LRRC4C: variants seen among roughly 807,000 people sequenced by gnomAD.
LRRC4C encodes leucine rich repeat containing 4C, also known as leucine-rich repeat-containing protein 4C.
In LRRC4C, 5 loss-of-function variants were observed where a neutral mutation model predicts 33.6. The observed-to-expected ratio is 0.15, with a 90% CI of 0.08 to 0.31. The LOEUF (loss-of-function observed/expected upper bound fraction) is 0.31. Ranked by LOEUF, LRRC4C falls within the 10% of genes least tolerant of loss-of-function variation. LRRC4C has a pLI of 1.00. For missense variants in LRRC4C, 560 were observed against 796.7 expected (o/e 0.70, Z 3.58); for synonymous variants, 329 against 302.0 (o/e 1.09, Z -0.93).
intron 4 of LRRC4C, among the ~76,000 whole-genome samples, chr11:40,274,488 G>T (rs1942955202): frequency 6.8e-6 from 1 of 146,106 alleles, no homozygotes; most frequent in African/African-American, 2.5e-5. Context: ...TATGAAGAAG[G>T]ACTTGGCTAG....
chr11:40,473,977 T>C (rs1398875203), intron 3 of LRRC4C, among the ~76,000 whole-genome samples: 1 of 152,154 alleles, frequency 6.6e-6, no homozygotes, highest in Non-Finnish European at 1.5e-5. Flanking sequence ...GGAAAAACGT[T>C]CCATGGTCAT....
intron 2 of LRRC4C, among the ~76,000 whole-genome samples, chr11:40,788,630 A>G (rs1950506700): frequency 6.6e-6 from 1 of 152,182 alleles, no homozygotes; most frequent in Non-Finnish European, 1.5e-5. Flanking sequence ...TTTCATGACC[A>G]GTAAAGTCCA....
intron 1 of LRRC4C, among the ~76,000 whole-genome samples, chr11:41,192,318 T>A (rs1945988723): frequency 8.7e-6 from 1 of 114,950 alleles, no homozygotes; most frequent in Non-Finnish European, 1.9e-5. Flanking sequence ...ACAGCATGAA[T>A]TAAATGTGTG....
chr11:41,348,995 T>C (rs1425820914), intron 1 of LRRC4C, among the ~76,000 whole-genome samples: 1 of 152,154 alleles, frequency 6.6e-6, no homozygotes, highest in Non-Finnish European at 1.5e-5. Context: ...AAGATTGTCA[T>C]ATTCTTCTAG....
intron 1 of LRRC4C, among the ~76,000 whole-genome samples, chr11:41,226,652 C>T (rs552800080): frequency 6.6e-6 from 1 of 151,558 alleles, no homozygotes; most frequent in Non-Finnish European, 1.5e-5. Flanking sequence ...GACCTTGATC[C>T]ATCAGTGCTC....
intron 6 of LRRC4C, among the ~76,000 whole-genome samples, chr11:40,130,523 C>CA (rs1856574984): frequency 6.6e-6 from 1 of 152,142 alleles, no homozygotes; most frequent in East Asian, 1.9e-4. Context: ...AATCACAGTG[C>CA]AAGAAAGCAT....
At chr11:40,550,392 C>T (rs74700676) in intron 3 of LRRC4C, among the ~76,000 whole-genome samples, 1 of 152,036 alleles carries the variant, frequency 6.6e-6, no homozygotes, top group African/African-American at 2.4e-5. Context: ...TCTGATGTAA[C>T]TAAAGATCAT....
At chr11:40,966,452 A>G (rs144115247) in intron 1 of LRRC4C, among the ~76,000 whole-genome samples, 4 of 152,078 alleles carry the variant, frequency 2.6e-5, no homozygotes, top group African/African-American at 9.6e-5. Context: ...TTTATATGAC[A>G]GGAGAAGGCT....
intron 2 of LRRC4C, among the ~76,000 whole-genome samples, chr11:40,875,242 G>C (rs1314170110): frequency 6.6e-6 from 1 of 152,058 alleles, no homozygotes; most frequent in African/African-American, 2.4e-5. Context: ...TCTAAAAGAG[G>C]ATAAAGGCAA....
chr11:40,913,407 T>A (rs192362048), intron 2 of LRRC4C, among the ~76,000 whole-genome samples: 1 of 151,922 alleles, frequency 6.6e-6, no homozygotes, highest in East Asian at 1.9e-4. Flanking sequence ...TCAAAACCAC[T>A]CAACTACATG....
chr11:40,581,857 C>T (rs1011478441), intron 3 of LRRC4C, among the ~76,000 whole-genome samples: 1 of 151,994 alleles, frequency 6.6e-6, no homozygotes, highest in Non-Finnish European at 1.5e-5. Flanking sequence ...GAGCCGAGAT[C>T]GTGCCACTGC....
chr11:40,768,536 C>A (rs1949594703), intron 2 of LRRC4C, among the ~76,000 whole-genome samples: 1 of 151,880 alleles, frequency 6.6e-6, no homozygotes, highest in Non-Finnish European at 1.5e-5. Flanking sequence ...AAGGAGACAC[C>A]ACAAAAAGAA....
intron 3 of LRRC4C, among the ~76,000 whole-genome samples, chr11:40,529,812 C>T (rs1167608554): frequency 6.6e-6 from 1 of 152,048 alleles, no homozygotes; most frequent in Non-Finnish European, 1.5e-5. Context: ...CTTCAGAAAC[C>T]TCATTAAAGA....
At chr11:40,410,839 T>A (rs1175373245) in intron 3 of LRRC4C, among the ~76,000 whole-genome samples, 1 of 152,174 alleles carries the variant, frequency 6.6e-6, no homozygotes, top group East Asian at 1.9e-4. Flanking sequence ...ATAATTTTAC[T>A]GTTAATGTAG....
At chr11:40,455,500 A>G (rs1003038372) in intron 3 of LRRC4C, among the ~76,000 whole-genome samples, 1 of 152,222 alleles carries the variant, frequency 6.6e-6, no homozygotes, top group Non-Finnish European at 1.5e-5. Context: ...CAAGAGAAGA[A>G]GGGAAGGTGA....
chr11:40,773,278 G>T (rs1276804405), intron 2 of LRRC4C, among the ~76,000 whole-genome samples: 1 of 151,872 alleles, frequency 6.6e-6, no homozygotes, highest in East Asian at 1.9e-4. Flanking sequence ...AATTAATAAG[G>T]GCTAGTATTT....
chr11:41,227,827 A>G (rs1947611112), intron 1 of LRRC4C, among the ~76,000 whole-genome samples: 1 of 152,048 alleles, frequency 6.6e-6, no homozygotes, highest in Non-Finnish European at 1.5e-5. Flanking sequence ...TTTTTCTACT[A>G]TTGGATTGAT....
chr11:40,493,044 C>T (rs1954244448), intron 3 of LRRC4C, among the ~76,000 whole-genome samples: 1 of 151,092 alleles, frequency 6.6e-6, no homozygotes. Context: ...ATATATATTT[C>T]TATAACTATA....
intron 1 of LRRC4C, among the ~76,000 whole-genome samples, chr11:41,222,166 G>T (rs1406429632): frequency 2.6e-5 from 4 of 152,136 alleles, no homozygotes; most frequent in Non-Finnish European, 5.9e-5. Flanking sequence ...TGTAGATTAC[G>T]ATTCTACTTG....
Sources: allele counts gnomAD v4.1 joint callset (sites outside exome capture counted in the v4.1 genomes callset), GRCh38; gene constraint gnomAD v4.1.1; transcripts MANE v1.5; gene names NCBI Gene and HGNC (gene_info 2026-07-23, HGNC 2026-07-21).